The following CDH10 variants were observed in gnomAD, a reference collection of about 807,000 sequenced individuals.
CDH10 encodes cadherin 10, also known as cadherin-10.
Under a neutral mutation model 73.1 loss-of-function variants are expected in CDH10, and 30 were observed. That is an observed-to-expected ratio of 0.41 (90% confidence interval 0.31 to 0.56). The LOEUF (loss-of-function observed/expected upper bound fraction) is 0.56, where lower values mean the gene tolerates loss of function less well. Among genes scored for constraint, CDH10 ranks in the 20% least tolerant of loss-of-function variants. CDH10 has a pLI of 0.27. For missense variants in CDH10, 815 were observed against 973.7 expected (o/e 0.84, Z 2.17); for synonymous variants, 345 against 348.2 (o/e 0.99, Z 0.10).
At chr5:24,621,846 A>G (rs1028217192) in intron 1 of CDH10, among the ~76,000 whole-genome samples, 1 of 152,256 alleles carries the variant, frequency 6.6e-6, no homozygotes, top group Non-Finnish European at 1.5e-5. Flanking sequence ...ACACAGATAT[A>G]AACATCTTTC....
intron 2 of CDH10, among the ~76,000 whole-genome samples, chr5:24,555,164 G>T (rs1279296627): frequency 6.6e-6 from 1 of 151,666 alleles, no homozygotes; most frequent in Non-Finnish European, 1.5e-5. Context: ...TTATTTCTTG[G>T]TTCCCCAGAG....
intron 1 of CDH10, among the ~76,000 whole-genome samples, chr5:24,603,991 C>T (rs528974916): frequency 2.6e-5 from 4 of 152,050 alleles, no homozygotes; most frequent in Non-Finnish European, 5.9e-5. Context: ...CAAGAATATA[C>T]GATCAAACAA....
At chr5:24,629,867 A>G (rs764369420) in intron 1 of CDH10, among the ~76,000 whole-genome samples, 4 of 152,178 alleles carry the variant, frequency 2.6e-5, no homozygotes, top group Non-Finnish European at 5.9e-5. Context: ...AGTTCTTTAT[A>G]GCAGTGTGAG....
chr5:24,582,671 A>G (rs1351766483), intron 2 of CDH10, among the ~76,000 whole-genome samples: 5 of 152,206 alleles, frequency 3.3e-5, no homozygotes, highest in Non-Finnish European at 7.4e-5. Context: ...ATAAAGACAG[A>G]CTGTGGATCA....
intron 2 of CDH10, among the ~76,000 whole-genome samples, chr5:24,573,942 TG>T (rs1486949910): frequency 1.3e-5 from 2 of 151,184 alleles, no homozygotes; most frequent in African/African-American, 4.9e-5. Flanking sequence ...TGGAGTGCAG[TG>T]GCGCGATCTC....
At chr5:24,594,115 A>ACAAAG (rs2112096494) in intron 1 of CDH10, among the ~76,000 whole-genome samples, 1 of 151,898 alleles carries the variant, frequency 6.6e-6, no homozygotes, top group South Asian at 2.1e-4. Context: ...ACAAAACAAA[A>ACAAAG]CAAAACAAAA....
rs188881738 is a variant in CDH10 at position 24,576,464 on chromosome 5, G to A, written c.231+16796C>T. ...AATGTCTTCTTGAAATGTCTTATTC[G>A]ATCACTGGGCTAGAAAATACAAGAT... On this transcript the variant is annotated intron_variant, in intron 2 of 11. Coordinates refer to ENST00000264463, the MANE Select transcript of CDH10 (RefSeq NM_006727.5). Among the ~76,000 whole-genome samples the A allele has an allele frequency of 2.4e-3, 359 of 151,914 alleles. 1 individual carries two copies. The highest frequency in any genetic ancestry group is 0.01 in the Middle Eastern group (3 of 294).
At position 24,487,986 on chromosome 5, in the gene CDH10, C is replaced by T. The variant is rs200154239; in HGVS notation, c.2044G>A (p.Glu682Lys). ...ATATCTCGCCGGAGCTTTTTTTCCT[C>T]AATGGCTGCAGGATTCCTCAGGGTG... ...IGTLRNPAAI[E>K]EKKLRRDIIP... Residue 682 changes from glutamate (E) to lysine (K), a missense_variant, in exon 12 of 12, where the codon GAG (glutamate) becomes AAG (lysine). By Grantham distance (56) the Glu-to-Lys change is moderately conservative. Transcript: ENST00000264463. 2.2e-5 allele frequency: 36 copies of T among 1,613,890 alleles called. No homozygotes were observed. The East Asian group carries it at 6.9e-4, about 31-fold the overall frequency.
intron 1 of CDH10, among the ~76,000 whole-genome samples, chr5:24,608,626 A>G (rs920971128): frequency 5.3e-5 from 8 of 152,206 alleles, no homozygotes; most frequent in Non-Finnish European, 1.0e-4. Flanking sequence ...GTTTCAAAAT[A>G]TAAAGTAGTA....
At chr5:24,568,774 G>A (rs542402282) in intron 2 of CDH10, among the ~76,000 whole-genome samples, 12 of 152,178 alleles carry the variant, frequency 7.9e-5, no homozygotes, top group African/African-American at 2.9e-4. Context: ...AATGGATAAA[G>A]AAAATATGGT....
intron 1 of CDH10, among the ~76,000 whole-genome samples, chr5:24,616,893 T>A (rs181937998): frequency 8.5e-5 from 13 of 152,276 alleles, no homozygotes; most frequent in East Asian, 3.9e-4. Context: ...ATATCTTTTT[T>A]AAAAAAATTC....
intron 2 of CDH10, chr5:24,578,562 A>G: frequency 4.2e-6 from 1 of 240,286 alleles, no homozygotes; most frequent in African/African-American, 2.3e-5. Context: ...GCAAATATAT[A>G]TGCATTACTG....
chr5:24,634,654 G>A (rs1200186655), intron 1 of CDH10, among the ~76,000 whole-genome samples: 2 of 151,680 alleles, frequency 1.3e-5, no homozygotes, highest in African/African-American at 4.8e-5. Context: ...GCAAATACGA[G>A]CATTATCTTT....
intron 5 of CDH10, 67 bp from the exon 6 acceptor site, chr5:24,511,581 G>C: frequency 2.7e-6 from 2 of 743,158 alleles, no homozygotes; most frequent in Non-Finnish European, 4.3e-6. Context: ...GAGAGAGAGA[G>C]AGAGAGAGAG....
intron 2 of CDH10, among the ~76,000 whole-genome samples, chr5:24,569,141 G>A (rs1745274347): frequency 6.6e-6 from 1 of 151,830 alleles, no homozygotes; most frequent in Non-Finnish European, 1.5e-5. Context: ...CCTGAGACAT[G>A]CTACAAAGTG....
rs1433995722 is a variant in CDH10, at chr5:24,644,875, C to G, written c.-405G>C. ...GAAAGGGGGGAAAAAAGCTCTTCCTCACACGGAGAGAAAGGTTCTGCTGAT... is the reference window on the plus strand; with the variant it reads ...GAAAGGGGGGAAAAAAGCTCTTCCTGACACGGAGAGAAAGGTTCTGCTGAT... On this transcript the variant is annotated 5_prime_UTR_variant, in exon 1 of 12. Transcript: ENST00000264463. 3.3e-5 allele frequency: 5 copies of G among 151,424 alleles called. No individual in the cohort carries two copies. Among genetic ancestry groups the G allele is most frequent in the African/African-American group, 1.2e-4 (5 of 41,210 alleles). The allele number at this position is 151,424 out of a possible 1,614,324, so 9.4% of individuals were successfully genotyped here. A position where few individuals can be genotyped will look rare whatever the true frequency, so the allele number is the denominator to read the frequency against.
At chr5:24,503,479 T>C (rs1742572466) in intron 8 of CDH10, among the ~76,000 whole-genome samples, 1 of 152,200 alleles carries the variant, frequency 6.6e-6, no homozygotes, top group Non-Finnish European at 1.5e-5. Flanking sequence ...TTGCATGTTT[T>C]AATGCTCCAT....
intron 1 of CDH10, among the ~76,000 whole-genome samples, chr5:24,621,379 A>T (rs1747311810): frequency 6.6e-6 from 1 of 152,344 alleles, no homozygotes; most frequent in South Asian, 2.1e-4. Flanking sequence ...CTTCTCAGCC[A>T]TAAAAAGCTC....
At chr5:24,580,806 A>G (rs1033660191) in intron 2 of CDH10, among the ~76,000 whole-genome samples, 1 of 152,184 alleles carries the variant, frequency 6.6e-6, no homozygotes, top group Non-Finnish European at 1.5e-5. Context: ...GGAAGCTTCA[A>G]AGGAGACTCC....
Sources: allele counts gnomAD v4.1 joint callset (sites outside exome capture counted in the v4.1 genomes callset), GRCh38; gene constraint gnomAD v4.1.1; transcripts MANE v1.5; gene names NCBI Gene and HGNC (gene_info 2026-07-23, HGNC 2026-07-21).